Variants in MTPN observed in about 807,000 individuals in gnomAD.
MTPN encodes the protein granule cell differentiation protein.
MTPN carries 2 observed loss-of-function variants against 13.5 expected under a neutral mutation model. The ratio of observed to expected loss-of-function variants is 0.15; its 90% CI spans 0.06 to 0.47. MTPN has a LOEUF of 0.47. Among genes scored for constraint, MTPN ranks in the 20% least tolerant of loss-of-function variants. The pLI is 0.97. For synonymous variants in MTPN, 46 were observed against 51.7 expected (o/e 0.89, Z 0.48); for missense variants, 79 against 137.9 (o/e 0.57, Z 2.14).
At chr7:135,954,474 G>C (rs1009139990) in intron 1 of MTPN, among the ~76,000 whole-genome samples, 1 of 152,168 alleles carries the variant, frequency 6.6e-6, no homozygotes, top group Non-Finnish European at 1.5e-5. Context: ...GGCAAAGAAT[G>C]CTTAACAATT....
chr7:135,959,388 G>A (rs932597926), intron 1 of MTPN, among the ~76,000 whole-genome samples: 7 of 152,132 alleles, frequency 4.6e-5, no homozygotes, highest in African/African-American at 1.7e-4. Flanking sequence ...TGGCGGAAAA[G>A]TACTCATGGG....
intron 3 of MTPN, among the ~76,000 whole-genome samples, chr7:135,931,712 A>G (rs1262844099): frequency 1.3e-5 from 2 of 152,204 alleles, no homozygotes; most frequent in East Asian, 3.8e-4. Flanking sequence ...TAACAGTTAC[A>G]TATTATAGTG....
chr7:135,956,689 CTTCT>C (rs1562934015), intron 1 of MTPN, among the ~76,000 whole-genome samples: 1 of 147,770 alleles, frequency 6.8e-6, no homozygotes, highest in Non-Finnish European at 1.5e-5. Context: ...TATATCGTCC[CTTCT>C]TTCTTTTTTT....
At chr7:135,943,930 A>G (rs1264367690) in intron 3 of MTPN, among the ~76,000 whole-genome samples, 1 of 152,250 alleles carries the variant, frequency 6.6e-6, no homozygotes, top group African/African-American at 2.4e-5. Flanking sequence ...TAATCTAAGA[A>G]TAAAACTGCA....
intron 1 of MTPN, among the ~76,000 whole-genome samples, chr7:135,974,656 TAG>T (rs374214043): frequency 8.3e-4 from 126 of 152,352 alleles, no homozygotes; most frequent in Middle Eastern, 3.4e-3. Flanking sequence ...GTTTTTAAAA[TAG>T]ACTCTCACCC....
chr7:135,933,959 T>A (rs1012783562), intron 3 of MTPN, among the ~76,000 whole-genome samples: 1 of 152,126 alleles, frequency 6.6e-6, no homozygotes, highest in Non-Finnish European at 1.5e-5. Context: ...CCCTTCACAC[T>A]CTCTCCTGCC....
At chr7:135,947,025 C>A (rs1799297350) in intron 3 of MTPN, among the ~76,000 whole-genome samples, 1 of 152,192 alleles carries the variant, frequency 6.6e-6, no homozygotes, top group South Asian at 2.1e-4. Context: ...CTCAGGTACT[C>A]TGGATTTGGT....
rs1225807787 is a variant in MTPN, at chr7:135,929,859, G to A, written c.*67C>T. 13 of 1,456,220 alleles carry A rather than the reference G, an allele frequency of 8.9e-6. No homozygotes were observed. Among genetic ancestry groups the A allele is most frequent in the Non-Finnish European group, 1.2e-5 (12 of 1,036,368 alleles). 90.2% of individuals were successfully genotyped at this position (1,456,220 alleles called of 1,614,324 possible). ...AGAAGCTGGCAGATAGAGAGTGACA[G>A]ACAGACAGGCAGCAGTGTGAGGCCA... is the stretch of plus-strand genomic sequence containing the variant. On this transcript the variant is annotated 3_prime_UTR_variant, in exon 4 of 4. Coordinates refer to ENST00000393085, the MANE Select transcript of MTPN (RefSeq NM_145808.4).
intron 1 of MTPN, among the ~76,000 whole-genome samples, chr7:135,953,830 CTAAGT>C (rs1346070776): frequency 7.2e-5 from 11 of 152,092 alleles, no homozygotes; most frequent in South Asian, 6.2e-4. Context: ...ATAAAACAAT[CTAAGT>C]TAAGACTACT....
At chr7:135,953,658 T>C (rs999485287) in intron 1 of MTPN, among the ~76,000 whole-genome samples, 1 of 152,208 alleles carries the variant, frequency 6.6e-6, no homozygotes, top group African/African-American at 2.4e-5. Context: ...AAGGGTGATA[T>C]CAACTGTCTA....
chr7:135,945,139 T>C (rs1799272021), intron 3 of MTPN, among the ~76,000 whole-genome samples: 1 of 152,168 alleles, frequency 6.6e-6, no homozygotes, highest in Admixed American at 6.5e-5. Context: ...GGTACACCTG[T>C]ATAGGGCACT....
intron 3 of MTPN, among the ~76,000 whole-genome samples, chr7:135,949,080 T>C (rs998243062): frequency 2.6e-5 from 4 of 152,178 alleles, no homozygotes; most frequent in African/African-American, 9.6e-5. Context: ...CATGGTCATG[T>C]GTCTTAAATC....
At chr7:135,959,077 C>T (rs996630968) in intron 1 of MTPN, among the ~76,000 whole-genome samples, 1 of 152,114 alleles carries the variant, frequency 6.6e-6, no homozygotes, top group Non-Finnish European at 1.5e-5. Context: ...ATTGTTACCA[C>T]TCTGCTATAA....
chr7:135,974,037 A>T (rs1451599722), intron 1 of MTPN, among the ~76,000 whole-genome samples: 1 of 152,146 alleles, frequency 6.6e-6, no homozygotes, highest in African/African-American at 2.4e-5. Flanking sequence ...TTTTTCTCTA[A>T]ATAATCTAAA....
chr7:135,950,726 CT>C, intron 2 of MTPN, 44 bp from the exon 3 acceptor site: 1 of 1,448,028 alleles, frequency 6.9e-7, no homozygotes, highest in Non-Finnish European at 9.6e-7. Flanking sequence ...TTTTTCATTT[CT>C]TCCTACTTTC....
At chr7:135,962,912 CTTTG>C (rs908765575) in intron 1 of MTPN, among the ~76,000 whole-genome samples, 9 of 152,132 alleles carry the variant, frequency 5.9e-5, no homozygotes, top group Non-Finnish European at 1.0e-4. Flanking sequence ...AAATAATACT[CTTTG>C]TTTGATCTGT....
Position 135,977,332 on chromosome 7 carries a change from C to A in MTPN, c.-232G>T. On this transcript the variant is annotated 5_prime_UTR_variant, in exon 1 of 4. Transcript: ENST00000393085. The stretch of plus-strand genomic sequence containing the variant: ...GGCCCAGCAGAGAGGTTCCGCCTGG[C>A]CGAGGAGAGGCAGGAACCTTTACAC... 1 of 571,820 alleles carries A rather than the reference C, an allele frequency of 1.7e-6. No homozygotes were observed. The highest frequency in any genetic ancestry group is 3.1e-6 in the Non-Finnish European group (1 of 319,110). 35.4% of individuals were successfully genotyped at this position (571,820 alleles called of 1,614,324 possible).
chr7:135,928,368 A>G lies in MTPN; in HGVS notation c.*1558T>C, dbSNP rs715156. On this transcript the variant is annotated 3_prime_UTR_variant, in exon 4 of 4. Coordinates refer to ENST00000393085, the MANE Select transcript of MTPN (RefSeq NM_145808.4). Reference sequence around the variant, plus strand: ...CCAACCAACCAACCAGCAACTGATCAGTAAAACTTGTTATTAACCAGGGTG... The same window carrying G: ...CCAACCAACCAACCAGCAACTGATCGGTAAAACTTGTTATTAACCAGGGTG... 0.06 allele frequency: 10,088 copies of G among 167,184 alleles called. 381 individuals carry two copies. The highest frequency in any genetic ancestry group is 0.094 in the East Asian group (488 of 5,186). The allele number at this position is 167,184 out of a possible 1,614,324, so 10.4% of individuals were successfully genotyped here.
intron 3 of MTPN, among the ~76,000 whole-genome samples, chr7:135,945,806 T>A (rs552833460): frequency 6.6e-6 from 1 of 152,250 alleles, no homozygotes; most frequent in Non-Finnish European, 1.5e-5. Flanking sequence ...TACCAAGCAT[T>A]ATGTATGACC....
Sources: allele counts gnomAD v4.1 joint callset (sites outside exome capture counted in the v4.1 genomes callset), GRCh38; gene constraint gnomAD v4.1.1; transcripts MANE v1.5; gene names NCBI Gene and HGNC (gene_info 2026-07-23, HGNC 2026-07-21).